The following BEND5 variants were observed in gnomAD, a reference collection of about 807,000 sequenced individuals.
The protein encoded by BEND5 is BEN domain-containing protein 5.
A neutral mutation model predicts 43.9 loss-of-function variants in BEND5; 22 were observed. The observed-to-expected ratio is 0.50, with a 90% confidence interval of 0.36 to 0.72. The LOEUF is 0.72. Among genes scored for constraint, BEND5 ranks in the 30% least tolerant of loss-of-function variants. The pLI, the probability that BEND5 is intolerant of heterozygous loss-of-function variation, is 0.00. For missense variants in BEND5, 428 were observed against 550.6 expected (o/e 0.78, Z 2.23); for synonymous variants, 228 against 225.9 (o/e 1.01, Z -0.08).
In BEND5 at chr1:48,736,062, T is replaced by C. The variant is rs1315937108; in HGVS notation, c.1108+177A>G. Among the ~76,000 whole-genome samples, 1 of 152,220 alleles carries C rather than the reference T, an allele frequency of 6.6e-6. No homozygotes were observed. The highest frequency in any genetic ancestry group is 2.4e-5 in the African/African-American group (1 of 41,464). On this transcript the variant is annotated intron_variant, in intron 5 of 5. Coordinates refer to ENST00000371833, the MANE Select transcript of BEND5 (RefSeq NM_024603.4). This position sits in a 1 kb window ranked among gnomAD's most constrained non-coding sequence, Gnocchi z 4.0. ...ACTTGTGTCCACAGCTCATCTGCCC[T>C]GGTAAATGTGAGCTCTTCTGGGGCA...
intron 2 of BEND5, chr1:48,761,078 T>G (rs2148661531): frequency 2.7e-6 from 1 of 367,944 alleles, no homozygotes; most frequent in African/African-American, 2.0e-5. Flanking sequence ...GTTCCAAACC[T>G]CCAACAGCGA....
intron 3 of BEND5, among the ~76,000 whole-genome samples, chr1:48,756,661 G>C (rs554161107): frequency 6.6e-6 from 1 of 152,360 alleles, no homozygotes; most frequent in Non-Finnish European, 1.5e-5. Flanking sequence ...CTTAAGGGTA[G>C]AGATCCTTTT....
intron 1 of BEND5, among the ~76,000 whole-genome samples, chr1:48,768,150 T>G (rs934327857): frequency 2.1e-5 from 3 of 144,878 alleles, no homozygotes; most frequent in African/African-American, 2.6e-5. Context: ...TTGCTGTAAC[T>G]TCCTCAAATG....
chr1:48,733,698 G>A lies in BEND5; in HGVS notation c.1108+2541C>T, dbSNP rs190938215. Among the ~76,000 whole-genome samples, 13 of 152,240 alleles carry A rather than the reference G, an allele frequency of 8.5e-5. No homozygotes were observed. The East Asian group carries it at 2.3e-3, about 27-fold the overall frequency. On this transcript the variant is annotated intron_variant, in intron 5 of 5. Transcript: ENST00000371833. ...TCCTAGGCAGCCCTGACTATCTTAC[G>A]AGGTAAGATGATTTCAGCTTAGTTT...
chr1:48,758,128 T>C (rs899118912), intron 3 of BEND5, among the ~76,000 whole-genome samples: 3 of 152,222 alleles, frequency 2.0e-5, no homozygotes, highest in African/African-American at 7.2e-5. Flanking sequence ...TAAGAACCTA[T>C]TAAGTTCTAT....
intron 3 of BEND5, among the ~76,000 whole-genome samples, chr1:48,750,676 C>T (rs1267340884): frequency 6.6e-6 from 1 of 152,188 alleles, no homozygotes; most frequent in East Asian, 1.9e-4. Context: ...AATAATGTTC[C>T]CTGCACAAAA....
chr1:48,753,240 TC>T (rs1557947882), intron 3 of BEND5, among the ~76,000 whole-genome samples: 1 of 152,246 alleles, frequency 6.6e-6, no homozygotes. Flanking sequence ...GAGCTGGTTC[TC>T]CTGTCTGTAT....
intron 3 of BEND5, among the ~76,000 whole-genome samples, chr1:48,750,787 T>C (rs1570498369): frequency 6.6e-6 from 1 of 152,146 alleles, no homozygotes; most frequent in African/African-American, 2.4e-5. Context: ...GGAGGCTGGG[T>C]GATTGCATGG....
intron 5 of BEND5, among the ~76,000 whole-genome samples, chr1:48,732,131 T>A (rs76491905): frequency 0.011 from 1,648 of 151,944 alleles, 29 homozygotes; most frequent in African/African-American, 0.038. Context: ...GTGAGGGATG[T>A]GGAGGAGTCA....
intron 1 of BEND5, among the ~76,000 whole-genome samples, chr1:48,763,086 T>C (rs935356092): frequency 5.3e-5 from 7 of 132,024 alleles, no homozygotes; most frequent in Non-Finnish European, 1.1e-4. Flanking sequence ...ATAAAGTGAA[T>C]AGAGATTTAA....
chr1:48,735,231 C>T (rs1396802351), intron 5 of BEND5, among the ~76,000 whole-genome samples: 5 of 152,200 alleles, frequency 3.3e-5, no homozygotes, highest in Non-Finnish European at 2.9e-5. Context: ...ACACCATGGT[C>T]TGTCTCTATA....
intron 5 of BEND5, among the ~76,000 whole-genome samples, chr1:48,733,226 A>G (rs1384513154): frequency 1.3e-5 from 2 of 152,172 alleles, no homozygotes; most frequent in African/African-American, 2.4e-5. Context: ...ATATATTTAC[A>G]TGATGCTGGG....
intron 5 of BEND5, among the ~76,000 whole-genome samples, chr1:48,733,787 A>G (rs1165060793): frequency 1.3e-5 from 2 of 152,216 alleles, no homozygotes; most frequent in Non-Finnish European, 2.9e-5. Flanking sequence ...AAATTTGGTC[A>G]GGCGATCAGC....
At chr1:48,744,896 C>T (rs1021853863) in intron 3 of BEND5, among the ~76,000 whole-genome samples, 1 of 152,178 alleles carries the variant, frequency 6.6e-6, no homozygotes, top group Non-Finnish European at 1.5e-5. Context: ...TTTGTCTTGG[C>T]GCTGAACACT....
intron 3 of BEND5, among the ~76,000 whole-genome samples, chr1:48,755,259 C>T (rs1046826943): frequency 1.3e-5 from 2 of 152,152 alleles, no homozygotes; most frequent in South Asian, 2.1e-4. Context: ...AAAGACCAGG[C>T]GGCTGCTCTC....
At chr1:48,758,341 A>G (rs1433997000) in intron 3 of BEND5, among the ~76,000 whole-genome samples, 1 of 152,154 alleles carries the variant, frequency 6.6e-6, no homozygotes, top group Non-Finnish European at 1.5e-5. Context: ...GTATTTGCCC[A>G]TGCTCACCAG....
rs139036758 is a variant in BEND5 at position 48,755,839 on chromosome 1, T to C, written c.745+3061A>G. ...TCTTCTTTGTATCTCCCTAAGTTCCTAGGCTCAGAAAGCATTTGGTCAATG... is the reference window on the plus strand; with the variant it reads ...TCTTCTTTGTATCTCCCTAAGTTCCCAGGCTCAGAAAGCATTTGGTCAATG... On this transcript the variant is annotated intron_variant, in intron 3 of 5. Transcript: ENST00000371833. Among the ~76,000 whole-genome samples the C allele has an allele frequency of 8.4e-4, 128 of 152,334 alleles. 1 individual carries two copies. In the Middle Eastern group the frequency reaches 0.01, roughly 12 times the overall value.
At chr1:48,730,372 G>T (rs1159186231) in intron 5 of BEND5, among the ~76,000 whole-genome samples, 2 of 152,142 alleles carry the variant, frequency 1.3e-5, no homozygotes, top group Non-Finnish European at 1.5e-5. Flanking sequence ...CTCTAGGGGG[G>T]ACTTCTCTGG....
At position 48,736,134 on chromosome 1, in the gene BEND5, A is replaced by G; in HGVS notation, c.1108+105T>C. 7.6e-7 allele frequency: 1 copy of G among 1,321,996 alleles called. No individual in the cohort carries two copies. The highest frequency in any genetic ancestry group is 1.1e-6 in the Non-Finnish European group (1 of 930,272). 81.9% of individuals were successfully genotyped at this position (1,321,996 alleles called of 1,614,324 possible). On this transcript the variant is annotated intron_variant, in intron 5 of 5. Coordinates refer to ENST00000371833, the MANE Select transcript of BEND5 (RefSeq NM_024603.4). The surrounding 1 kb of genome is among the most constrained non-coding windows in gnomAD (Gnocchi z 4.0). ...CCCCGGGCTCAGCCCAGGGTCTGGCATGCAGAAGCTTCATAAGTAATCGTT... is the reference window on the plus strand; with the variant it reads ...CCCCGGGCTCAGCCCAGGGTCTGGCGTGCAGAAGCTTCATAAGTAATCGTT...
Sources: allele counts gnomAD v4.1 joint callset (sites outside exome capture counted in the v4.1 genomes callset), GRCh38; gene constraint gnomAD v4.1.1; non-coding constraint Gnocchi (gnomAD v3.1); transcripts MANE v1.5; gene names NCBI Gene and HGNC (gene_info 2026-07-23, HGNC 2026-07-21).